The following LDB3 variants were observed in gnomAD, a reference collection of about 807,000 sequenced individuals.
The protein encoded by LDB3 is LIM domain binding 3.
A neutral mutation model predicts 69.0 loss-of-function variants in LDB3; 49 were observed. The observed-to-expected ratio is 0.71, with a 90% CI of 0.56 to 0.90. LDB3 has a LOEUF of 0.90. Ranked by LOEUF, LDB3 falls within the 40% of genes least tolerant of loss-of-function variation. The pLI, the probability that LDB3 is intolerant of heterozygous loss-of-function variation, is 0.00. For synonymous variants in LDB3, 387 were observed against 396.2 expected (o/e 0.98, Z 0.28); for missense variants, 928 against 974.1 (o/e 0.95, Z 0.63).
intron 2 of LDB3, among the ~76,000 whole-genome samples, chr10:86,675,675 C>A (rs140811854): frequency 6.6e-6 from 1 of 152,362 alleles, no homozygotes; most frequent in African/African-American, 2.4e-5. Flanking sequence ...CTGGTACCTG[C>A]AACTTTCTTT....
Position 86,680,309 on chromosome 10 carries a change from G to A in LDB3, c.321+152G>A, listed in dbSNP as rs374538580. 135 of 718,710 alleles carry A rather than the reference G, an allele frequency of 1.9e-4. 3 individuals are homozygous for A. The highest frequency in any genetic ancestry group is 1.6e-3 in the East Asian group (61 of 37,144). 44.5% of individuals were successfully genotyped at this position (718,710 alleles called of 1,614,324 possible). On this transcript the variant is annotated intron_variant, in intron 4 of 13. Coordinates refer to ENST00000361373, the MANE Select transcript of LDB3 (RefSeq NM_007078.3). ...CTGCCCCTGCTGCAGCTGACCCTGG[G>A]GAAGTGAGGCAGCCCCTTGGGAGAG...
intron 7 of LDB3, chr10:86,700,041 G>A: frequency 1.1e-5 from 11 of 986,708 alleles, no homozygotes; most frequent in Non-Finnish European, 1.3e-5. Context: ...AAGATTTGAA[G>A]TGAACCACAC....
chr10:86,680,760 A>G (rs1202144451), intron 4 of LDB3, among the ~76,000 whole-genome samples: 1 of 152,216 alleles, frequency 6.6e-6, no homozygotes, highest in Non-Finnish European at 1.5e-5. Flanking sequence ...GGCCCCGCCA[A>G]GCAGCTCAAC....
chr10:86,709,878 G>A (rs1277580124), intron 8 of LDB3, 27 bp from the exon 9 acceptor site: 2 of 1,605,038 alleles, frequency 1.2e-6, no homozygotes, highest in Non-Finnish European at 1.7e-6. Context: ...GTCCTTCTGG[G>A]TGTAACCCCT....
At position 86,712,752 on chromosome 10, in the gene LDB3, C is replaced by A. The variant is rs183030653; in HGVS notation, c.1231+2702C>A. Among the ~76,000 whole-genome samples, 379 of 152,298 alleles carry A rather than the reference C, an allele frequency of 2.5e-3. 3 individuals are homozygous for A. The Middle Eastern group carries it at 0.048, about 19-fold the overall frequency. On this transcript the variant is annotated intron_variant, in intron 9 of 13. Coordinates refer to ENST00000361373, the MANE Select transcript of LDB3 (RefSeq NM_007078.3). ...AGTTAAATTCATTTTAATATATTTT[C>A]TTTGACTACATATATTTAAGATATC... is the stretch of plus-strand genomic sequence containing the variant.
intron 4 of LDB3, 118 bp downstream of exon 4, chr10:86,680,275 G>T: frequency 1.1e-6 from 1 of 878,114 alleles, no homozygotes; most frequent in South Asian, 1.4e-5. Flanking sequence ...GATCAGCCCT[G>T]CCCCATCCCT....
At chr10:86,700,732 C>T (rs934861346) in intron 7 of LDB3, among the ~76,000 whole-genome samples, 6 of 152,220 alleles carry the variant, frequency 3.9e-5, no homozygotes, top group Non-Finnish European at 5.9e-5. Context: ...AGGCCTCAGG[C>T]TCATGTCCTG....
At chr10:86,693,796 C>A (rs1024909734) in intron 7 of LDB3, among the ~76,000 whole-genome samples, 19 of 152,266 alleles carry the variant, frequency 1.2e-4, no homozygotes, top group Non-Finnish European at 2.4e-4. Flanking sequence ...GCTGTCCCTG[C>A]GTGCTGCTCC....
At chr10:86,666,976 G>T, upstream of LDB3, 1 of 404,136 alleles carries the variant, frequency 2.5e-6, no homozygotes, top group Admixed American at 2.6e-5. Flanking sequence ...AGGGCATAAG[G>T]CTGGAGTTAG....
intron 12 of LDB3, among the ~76,000 whole-genome samples, chr10:86,721,529 A>C (rs1847086208): frequency 6.6e-6 from 1 of 152,242 alleles, no homozygotes; most frequent in African/African-American, 2.4e-5. Flanking sequence ...AGGGAACTTA[A>C]CAAACTAGAG....
chr10:86,696,186 C>T (rs1845988447), intron 7 of LDB3, among the ~76,000 whole-genome samples: 1 of 152,226 alleles, frequency 6.6e-6, no homozygotes, highest in Non-Finnish European at 1.5e-5. Context: ...CCTTCCCTCC[C>T]TCTGCTGCGC....
chr10:86,702,862 T>C (rs977600582), intron 7 of LDB3, among the ~76,000 whole-genome samples: 10 of 152,156 alleles, frequency 6.6e-5, no homozygotes, highest in African/African-American at 2.2e-4. Flanking sequence ...CTTTAGACAG[T>C]GTGCTAGAGA....
rs761695754 is a variant in LDB3, at chr10:86,718,855, C to T, written c.1978+8C>T. Reference sequence around the variant, plus strand: ...AGCCCTACTGCGAGAAAGGTAGGAACACTTCGATGGCATGTGGGGAGGCCC... The same window carrying T: ...AGCCCTACTGCGAGAAAGGTAGGAATACTTCGATGGCATGTGGGGAGGCCC... On this transcript the variant is annotated splice_region_variant and intron_variant, in intron 12 of 13. Coordinates refer to ENST00000361373, the MANE Select transcript of LDB3 (RefSeq NM_007078.3). 3 of 1,614,016 alleles carry T rather than the reference C, an allele frequency of 1.9e-6. No homozygotes were observed.
intron 8 of LDB3, among the ~76,000 whole-genome samples, chr10:86,709,158 C>A (rs1241527358): frequency 6.6e-6 from 1 of 152,190 alleles, no homozygotes; most frequent in Admixed American, 6.5e-5. Flanking sequence ...GCTCAACAGG[C>A]CGCTGGATTC....
chr10:86,676,792 G>A (rs1307339461), intron 2 of LDB3, among the ~76,000 whole-genome samples: 1 of 152,218 alleles, frequency 6.6e-6, no homozygotes, highest in Non-Finnish European at 1.5e-5. Context: ...ACTGGTGACT[G>A]GTGACTGCAG....
intron 6 of LDB3, among the ~76,000 whole-genome samples, 178 bp from the exon 7 acceptor site, chr10:86,692,357 C>T (rs1283627992): frequency 1.3e-5 from 2 of 152,232 alleles, no homozygotes; most frequent in Non-Finnish European, 2.9e-5. Flanking sequence ...CTCAGGCTAC[C>T]CCCTGACTCT....
chr10:86,717,860 G>C (rs1846932123), intron 10 of LDB3, 104 bp from the exon 11 acceptor site: 1 of 1,086,496 alleles, frequency 9.2e-7, no homozygotes, highest in South Asian at 1.4e-5. Flanking sequence ...AGTCACAAAA[G>C]TCAGAGTTAT....
At chr10:86,694,929 CTTG>C (rs1845934673) in intron 7 of LDB3, among the ~76,000 whole-genome samples, 1 of 152,222 alleles carries the variant, frequency 6.6e-6, no homozygotes, top group South Asian at 2.1e-4. Context: ...CCTGGCCCAT[CTTG>C]TTGGCTGAGA....
At chr10:86,674,258 C>A (rs1844649798) in intron 2 of LDB3, among the ~76,000 whole-genome samples, 1 of 152,208 alleles carries the variant, frequency 6.6e-6, no homozygotes, top group South Asian at 2.1e-4. Flanking sequence ...ATAATCCTCA[C>A]AACAATCCCG....
Sources: gnomAD v4.1 joint callset for allele counts (sites outside exome capture counted in the v4.1 genomes callset) on GRCh38, gnomAD v4.1.1 for gene constraint, MANE v1.5 for transcripts, NCBI Gene and HGNC (gene_info 2026-07-23, HGNC 2026-07-21) for gene names.